The following AQR variants were observed in gnomAD, a reference collection of about 807,000 sequenced individuals.
AQR encodes the protein RNA helicase aquarius.
A neutral mutation model predicts 180.5 loss-of-function variants in AQR; 61 were observed. The observed-to-expected ratio is 0.34, with a 90% CI of 0.28 to 0.42. The LOEUF is 0.42. Ranked by LOEUF, AQR falls within the 10% of genes least tolerant of loss-of-function variation. AQR has a pLI of 1.00. For missense variants in AQR, 1,281 were observed against 1,798.3 expected (o/e 0.71, Z 5.20); for synonymous variants, 551 against 588.8 (o/e 0.94, Z 0.93).
intron 27 of AQR, among the ~76,000 whole-genome samples, chr15:34,879,742 G>A (rs1224018650): frequency 2.0e-5 from 3 of 152,114 alleles, no homozygotes; most frequent in Admixed American, 6.6e-5. Flanking sequence ...GGAACCAAAC[G>A]AAATGTCCCT....
chr15:34,920,359 A>C lies in AQR; in HGVS notation c.1194T>G (p.Phe398Leu), dbSNP rs1208575154. The C allele has an allele frequency of 1.2e-6, 2 of 1,612,372 alleles. No homozygotes were observed. The highest frequency in any genetic ancestry group is 2.7e-5 in the African/African-American group (2 of 74,896). Residue 398 changes from phenylalanine (F) to leucine (L), a missense_variant, in exon 14 of 35, where the codon TTT becomes TTG. This residue lies in a region of AQR where 404 missense variants were observed against 490.9 expected (regional missense o/e 0.82). Coordinates refer to ENST00000156471, the MANE Select transcript of AQR (RefSeq NM_014691.3). ...GCAATTCTAGAAGAAATTCTTTATC[A>C]AAAGTTGTGTCTTCATTTTTAGGAA... Reference protein sequence around the residue: ...PTLPKNEDTTFDKEFLLELLV... With the variant: ...PTLPKNEDTTLDKEFLLELLV...
chr15:34,884,413 A>G (rs1216726861), intron 26 of AQR, 112 bp downstream of exon 26: 3 of 1,022,732 alleles, frequency 2.9e-6, no homozygotes, highest in Admixed American at 6.2e-5. Context: ...CTCAAAAAAA[A>G]ACAAAAAAAC....
At chr15:34,866,464 T>C (rs550216685) in intron 32 of AQR, among the ~76,000 whole-genome samples, 5 of 152,126 alleles carry the variant, frequency 3.3e-5, no homozygotes, top group Non-Finnish European at 7.4e-5. Context: ...CATTGTATCA[T>C]CAAAATCTTT....
chr15:34,940,840 A>G, intron 8 of AQR, 59 bp downstream of exon 8: 1 of 1,311,372 alleles, frequency 7.6e-7, no homozygotes, highest in Admixed American at 1.9e-5. Context: ...AGTCAACATC[A>G]TCTAAGGTCC....
rs1892806312 is a variant in AQR at position 34,870,821 on chromosome 15, T to C, written c.3699A>G (p.Gln1233=). Residue 1233 remains glutamine (Q), a synonymous_variant, in exon 31 of 35, where the codon CAA becomes CAG. Coordinates refer to ENST00000156471, the MANE Select transcript of AQR (RefSeq NM_014691.3). ...TGATGATGTCGCGAATAAGATGCTTTTGGCCATTATATGTTGTTAGAATAC... is the reference window on the plus strand; with the variant it reads ...TGATGATGTCGCGAATAAGATGCTTCTGGCCATTATATGTTGTTAGAATAC... ...KISILTTYNG[Q]KHLIRDIINR... The C allele has an allele frequency of 3.7e-6, 6 of 1,613,556 alleles. No homozygotes were observed. The East Asian group carries it at 1.1e-4, about 30-fold the overall frequency.
chr15:34,928,237 T>C (rs1217652477), intron 12 of AQR, among the ~76,000 whole-genome samples: 1 of 152,106 alleles, frequency 6.6e-6, no homozygotes, highest in Admixed American at 6.6e-5. Context: ...TTATTTTTTC[T>C]TCTAAAAAAA....
In AQR at chr15:34,932,352, A is replaced by G; in HGVS notation, c.866T>C (p.Val289Ala). 6.2e-7 allele frequency: 1 copy of G among 1,613,954 alleles called. No homozygotes were observed. The highest frequency in any genetic ancestry group is 8.5e-7 in the Non-Finnish European group (1 of 1,179,864). ...LLVHCYLSNL[V>A]RREEDGHLFS... ...AAGATGGCCATCCTCTTCTCTACGA[A>G]CAAGATTGGAAAGGTAACAGTGAAC... Residue 289 changes from valine to alanine, a missense_variant, in exon 11 of 35, where the codon GTT becomes GCT. Around this residue, in one of 9 missense-constraint regions of AQR, gnomAD observed 404 missense variants for 490.9 expected, o/e 0.82. Transcript: ENST00000156471.
intron 1 of AQR, among the ~76,000 whole-genome samples, chr15:34,965,728 GA>G (rs1335719725): frequency 1.3e-5 from 2 of 152,068 alleles, no homozygotes; most frequent in African/African-American, 4.8e-5. Flanking sequence ...CAACTCAATA[GA>G]AAATCTTCAC....
intron 13 of AQR, among the ~76,000 whole-genome samples, chr15:34,921,629 G>A (rs1893686623): frequency 6.6e-6 from 1 of 152,012 alleles, no homozygotes; most frequent in African/African-American, 2.4e-5. Context: ...ACTGGTATTT[G>A]CCACCATGAG....
chr15:34,871,253 T>A (rs1225892386), intron 30 of AQR, among the ~76,000 whole-genome samples: 1 of 152,172 alleles, frequency 6.6e-6, no homozygotes, highest in Non-Finnish European at 1.5e-5. Flanking sequence ...ACATCTGTAA[T>A]CCCAGCACTT....
chr15:34,852,594 T>C lies in AQR; in HGVS notation c.*4198A>G, dbSNP rs1017072152. On this transcript the variant is annotated 3_prime_UTR_variant, in exon 35 of 35. Transcript: ENST00000156471. ...AAAAAAAAACAAAAACAAAGTTTTA[T>C]GCTCTAATAAGTTTGGGAAATGCTA... 6.6e-6 allele frequency: 1 copy of C among 152,190 alleles called. No individual in the cohort carries two copies. Among genetic ancestry groups the C allele is most frequent in the Admixed American group, 6.5e-5 (1 of 15,274 alleles). 9.4% of individuals were successfully genotyped at this position (152,190 alleles called of 1,614,324 possible). A position where few individuals can be genotyped will look rare whatever the true frequency, so the allele number is the denominator to read the frequency against.
intron 31 of AQR, chr15:34,869,385 G>C (rs1892782863): frequency 1.3e-5 from 2 of 152,098 alleles, no homozygotes; most frequent in African/African-American, 4.8e-5. Flanking sequence ...TTTTATAGGA[G>C]TTCATATATT....
intron 31 of AQR, chr15:34,869,218 T>C (rs1892780535): frequency 6.6e-6 from 1 of 152,150 alleles, no homozygotes. Context: ...GGGTAGGTAG[T>C]GGTATATCAT....
At position 34,874,636 on chromosome 15, in the gene AQR, T is replaced by C. The variant is rs375574768; in HGVS notation, c.3425+41A>G. 4.4e-6 allele frequency: 7 copies of C among 1,603,736 alleles called. No homozygotes were observed. In the Admixed American group the frequency reaches 5.1e-5, roughly 12 times the overall value. ...ACAAATACTTGGATCATGGAACAAA[T>C]GTCCTTAAATGGGAATGATTTTTTT... On this transcript the variant is annotated intron_variant, in intron 29 of 34. Coordinates refer to ENST00000156471, the MANE Select transcript of AQR (RefSeq NM_014691.3).
intron 27 of AQR, among the ~76,000 whole-genome samples, chr15:34,879,904 G>C (rs1347865385): frequency 6.6e-6 from 1 of 152,124 alleles, no homozygotes; most frequent in Non-Finnish European, 1.5e-5. Context: ...AACTGAATGT[G>C]GAGAAGTCTG....
chr15:34,947,709 A>C (rs1415691668), intron 5 of AQR, among the ~76,000 whole-genome samples: 4 of 151,988 alleles, frequency 2.6e-5, no homozygotes, highest in Non-Finnish European at 4.4e-5. Context: ...GTGCAATCAT[A>C]GTTCATTGCA....
At chr15:34,943,283 G>C in intron 6 of AQR, 3 of 1,584,354 alleles carry the variant, frequency 1.9e-6, no homozygotes, top group Non-Finnish European at 1.7e-6. Flanking sequence ...TTGTGCTAAG[G>C]CTTGAGTGCA....
intron 13 of AQR, among the ~76,000 whole-genome samples, chr15:34,922,020 C>T (rs1893691082): frequency 6.6e-6 from 1 of 152,190 alleles, no homozygotes; most frequent in Non-Finnish European, 1.5e-5. Context: ...CCATGTTGCC[C>T]AGGCTGGTCT....
At chr15:34,860,571 T>A (rs1892656884) in intron 33 of AQR, among the ~76,000 whole-genome samples, 2 of 152,132 alleles carry the variant, frequency 1.3e-5, no homozygotes, top group African/African-American at 4.8e-5. Flanking sequence ...TAGTACAAGA[T>A]AAGTAATTAT....
Sources: gnomAD v4.1 joint callset for allele counts (sites outside exome capture counted in the v4.1 genomes callset) on GRCh38, gnomAD v4.1.1 for gene constraint, gnomAD v4.1.1 regional missense constraint, MANE v1.5 for transcripts, NCBI Gene and HGNC (gene_info 2026-07-23, HGNC 2026-07-21) for gene names.